Variants in BICD1 observed in about 807,000 individuals in gnomAD.
BICD1 encodes the protein BICD cargo adaptor 1.
BICD1 carries 35 observed loss-of-function variants against 92.5 expected under a neutral mutation model. The observed-to-expected ratio is 0.38, with a 90% CI of 0.29 to 0.50. The LOEUF is 0.50. Among genes scored for constraint, BICD1 ranks in the 20% least tolerant of loss-of-function variants. The pLI is 0.93. For synonymous variants in BICD1, 429 were observed against 465.1 expected, an observed-to-expected ratio of 0.92 and a Z score of 1.00; for missense variants, 950 against 1,189.8, an observed-to-expected ratio of 0.80 and a Z score of 2.97.
chr12:32,305,194 G>A (rs977261028), intron 3 of BICD1, among the ~76,000 whole-genome samples: 3 of 151,864 alleles, frequency 2.0e-5, no homozygotes, highest in East Asian at 1.9e-4. Context: ...TATTATAATC[G>A]TTAACAAATT....
In BICD1 at chr12:32,189,010, CTT is replaced by C. The variant is rs1028133104; in HGVS notation, c.214-27235_214-27234del. Among the ~76,000 whole-genome samples, 14 of 152,196 alleles carry C rather than the reference CTT, an allele frequency of 9.2e-5. 1 individual carries two copies. The highest frequency in any genetic ancestry group is 1.9e-4 in the Non-Finnish European group (13 of 68,038). On this transcript the variant is annotated intron_variant, in intron 1 of 9. Coordinates refer to ENST00000652176, the MANE Select transcript of BICD1 (RefSeq NM_001714.4). ...TTTCTTGAACCTTCTCACTAAGTAT[CTT>C]TATCGCACATGAGTTCTCTCTTTAA...
At chr12:32,248,458 G>A (rs555006556) in intron 2 of BICD1, among the ~76,000 whole-genome samples, 1 of 152,266 alleles carries the variant, frequency 6.6e-6, no homozygotes, top group Admixed American at 6.5e-5. Context: ...ATGTTGAGAT[G>A]TATATTTTAA....
At chr12:32,294,255 C>T (rs1347103813) in intron 3 of BICD1, 109 bp downstream of exon 3, 1 of 1,133,364 alleles carries the variant, frequency 8.8e-7, no homozygotes, top group Non-Finnish European at 1.2e-6. Context: ...TTTATCTTCT[C>T]TCTATAACAT....
At chr12:32,332,415 T>C (rs1242681435) in intron 5 of BICD1, 24 of 980,846 alleles carry the variant, frequency 2.4e-5, no homozygotes, top group South Asian at 9.4e-5. Flanking sequence ...TTCTGTAGTC[T>C]CTATGAATCT....
At chr12:32,152,505 C>T (rs1209053459) in intron 1 of BICD1, among the ~76,000 whole-genome samples, 7 of 152,136 alleles carry the variant, frequency 4.6e-5, no homozygotes, top group African/African-American at 1.4e-4. Context: ...GGATTACAGG[C>T]GTGAGCCAAT....
intron 5 of BICD1, among the ~76,000 whole-genome samples, chr12:32,330,767 G>A (rs1023542808): frequency 6.6e-6 from 1 of 152,072 alleles, no homozygotes. Context: ...GCTTACACAA[G>A]GACATGCTAT....
At chr12:32,185,385 A>C (rs924232544) in intron 1 of BICD1, among the ~76,000 whole-genome samples, 7 of 152,182 alleles carry the variant, frequency 4.6e-5, no homozygotes, top group Non-Finnish European at 8.8e-5. Flanking sequence ...CAAACCCCAA[A>C]ATTTCAAGGG....
At chr12:32,148,142 C>CAAAAAAGAAAAAAA (rs1943171672) in intron 1 of BICD1, among the ~76,000 whole-genome samples, 1 of 60,584 alleles carries the variant, frequency 1.7e-5, no homozygotes, top group Non-Finnish European at 3.0e-5. Context: ...ACTCCGTCTC[C>CAAAAAAGAAAAAAA]AAAAAAAAAA....
chr12:32,145,155 G>C (rs1172688953), intron 1 of BICD1, among the ~76,000 whole-genome samples: 1 of 152,068 alleles, frequency 6.6e-6, no homozygotes, highest in Non-Finnish European at 1.5e-5. Context: ...TGTGGTCTTT[G>C]CTTCTGATAA....
chr12:32,197,942 A>G (rs1288832305), intron 1 of BICD1, among the ~76,000 whole-genome samples: 1 of 152,040 alleles, frequency 6.6e-6, no homozygotes, highest in Non-Finnish European at 1.5e-5. Context: ...ACCGTGGCTC[A>G]TGCCTGTAAT....
At chr12:32,191,631 A>G (rs914872978) in intron 1 of BICD1, among the ~76,000 whole-genome samples, 21 of 147,460 alleles carry the variant, frequency 1.4e-4, no homozygotes, top group Non-Finnish European at 2.5e-4. Flanking sequence ...TATATAATAT[A>G]TGTTATATAT....
chr12:32,361,664 C>T (rs567823902), intron 8 of BICD1, among the ~76,000 whole-genome samples: 1 of 152,058 alleles, frequency 6.6e-6, no homozygotes, highest in African/African-American at 2.4e-5. Context: ...GTGGAGCATC[C>T]GGAGGTTGTT....
chr12:32,252,281 G>A (rs1382114545), intron 2 of BICD1, among the ~76,000 whole-genome samples: 1 of 147,048 alleles, frequency 6.8e-6, no homozygotes, highest in African/African-American at 2.5e-5. Context: ...AATTTGCCAT[G>A]TTTGGAGGTT....
chr12:32,359,470 G>T (rs529903633), intron 8 of BICD1, among the ~76,000 whole-genome samples: 2 of 152,166 alleles, frequency 1.3e-5, no homozygotes, highest in East Asian at 3.9e-4. Flanking sequence ...AGTCAGGTCT[G>T]TCTTCCTCTT....
chr12:32,346,638 G>GTATATATATATATATATATACGTGTA (rs1565687586), intron 8 of BICD1, among the ~76,000 whole-genome samples: 7 of 2,276 alleles, frequency 3.1e-3, no homozygotes, highest in Admixed American at 6.6e-3. Flanking sequence ...ATATATACGT[G>GTATATATATATATATATATACGTGTA]TATATATATA....
At chr12:32,285,747 C>T (rs1487542118) in intron 2 of BICD1, among the ~76,000 whole-genome samples, 1 of 152,110 alleles carries the variant, frequency 6.6e-6, no homozygotes, top group East Asian at 1.9e-4. Flanking sequence ...CCTGTTGTGC[C>T]ATTTTCTTCC....
intron 8 of BICD1, among the ~76,000 whole-genome samples, chr12:32,366,427 C>T (rs1016795286): frequency 1.8e-4 from 27 of 152,304 alleles, no homozygotes; most frequent in Non-Finnish European, 2.8e-4. Context: ...CAAGACCAGC[C>T]TGACCAATAT....
intron 1 of BICD1, among the ~76,000 whole-genome samples, chr12:32,154,879 AT>A (rs1458128478): frequency 1.3e-5 from 2 of 152,168 alleles, no homozygotes; most frequent in Non-Finnish European, 2.9e-5. Flanking sequence ...TGGGTTGTCG[AT>A]AAACCTCCTG....
At position 32,333,100 on chromosome 12, in the gene BICD1, C is replaced by T. The variant is rs1221847283; in HGVS notation, c.2101-1416C>T. 4 of 984,160 alleles carry T rather than the reference C, an allele frequency of 4.1e-6. No homozygotes were observed. The African/African-American group carries it at 5.2e-5, about 13-fold the overall frequency. 61.0% of individuals were successfully genotyped at this position (984,160 alleles called of 1,614,324 possible). On this transcript the variant is annotated intron_variant, in intron 5 of 9. Coordinates refer to ENST00000652176, the MANE Select transcript of BICD1 (RefSeq NM_001714.4). ...CTTCTGTTATCCCCCATTTTATTCC[C>T]CTTAGATACTGACCATGGGATTCTA...
Sources: gnomAD v4.1 joint callset for allele counts (sites outside exome capture counted in the v4.1 genomes callset) on GRCh38, gnomAD v4.1.1 for gene constraint, MANE v1.5 for transcripts, NCBI Gene and HGNC (gene_info 2026-07-23, HGNC 2026-07-21) for gene names.